Variants in STAG1 observed in about 807,000 individuals in gnomAD.
The protein encoded by STAG1 is cohesin subunit SA-1.
A neutral mutation model predicts 170.9 loss-of-function variants in STAG1; 26 were observed. That is an observed-to-expected ratio of 0.15 (90% CI 0.11 to 0.21). The LOEUF (loss-of-function observed/expected upper bound fraction) is 0.21, where lower values mean the gene tolerates loss of function less well. STAG1 is among the 10% of genes least tolerant of loss of function. The pLI is 1.00. For synonymous variants in STAG1, 514 were observed against 497.7 expected (o/e 1.03, Z -0.44); for missense variants, 964 against 1,509.5 (o/e 0.64, Z 5.99).
intron 1 of STAG1, among the ~76,000 whole-genome samples, chr3:136,727,987 A>ATC (rs1341053499): frequency 6.6e-6 from 1 of 151,898 alleles, no homozygotes; most frequent in Non-Finnish European, 1.5e-5. Context: ...GTGAAACCCC[A>ATC]TCTCTACTAA....
intron 22 of STAG1, among the ~76,000 whole-genome samples, chr3:136,385,375 G>C (rs915211201): frequency 2.2e-4 from 34 of 152,160 alleles, no homozygotes; most frequent in Admixed American, 7.2e-4. Flanking sequence ...GGGAGATTGA[G>C]GCTGCAGTGA....
intron 22 of STAG1, among the ~76,000 whole-genome samples, chr3:136,390,249 C>T (rs1399143453): frequency 1.3e-5 from 2 of 152,134 alleles, no homozygotes; most frequent in African/African-American, 4.8e-5. Flanking sequence ...GAAACCATGA[C>T]TTGTAAGTCA....
At chr3:136,645,305 C>T (rs563348527) in intron 1 of STAG1, among the ~76,000 whole-genome samples, 1 of 152,234 alleles carries the variant, frequency 6.6e-6, no homozygotes, top group South Asian at 2.1e-4. Flanking sequence ...GGGTGAAATG[C>T]CTGAACATGT....
chr3:136,720,574 G>A (rs1933187322), intron 1 of STAG1, among the ~76,000 whole-genome samples: 2 of 152,146 alleles, frequency 1.3e-5, no homozygotes, highest in Non-Finnish European at 1.5e-5. Flanking sequence ...CAGATCACCT[G>A]AGGTCAGGAG....
chr3:136,428,245 T>C (rs2088191382), intron 16 of STAG1, among the ~76,000 whole-genome samples: 1 of 152,240 alleles, frequency 6.6e-6, no homozygotes, highest in Admixed American at 6.5e-5. Context: ...TCAAAAGCCT[T>C]GAAGGGAAAA....
intron 1 of STAG1, 84 bp from the exon 2 acceptor site, chr3:136,631,065 A>G: frequency 1.6e-6 from 1 of 625,422 alleles, no homozygotes; most frequent in Non-Finnish European, 2.7e-6. Context: ...CACCACTACC[A>G]GTGATCACAC....
chr3:136,421,976 C>CA (rs1453887900), intron 19 of STAG1, among the ~76,000 whole-genome samples: 1 of 151,632 alleles, frequency 6.6e-6, no homozygotes, highest in African/African-American at 2.4e-5. Context: ...GGTGAAAACC[C>CA]ATTTCTACTA....
chr3:136,653,583 G>A (rs1377833764), intron 1 of STAG1, among the ~76,000 whole-genome samples: 2 of 151,912 alleles, frequency 1.3e-5, no homozygotes, highest in East Asian at 1.9e-4. Flanking sequence ...TCACCAAAAG[G>A]GTGGGAACTA....
chr3:136,586,821 C>T (rs1937854080), intron 4 of STAG1: 1 of 456,368 alleles, frequency 2.2e-6, no homozygotes, highest in Admixed American at 2.4e-5. Context: ...TGGTAAGTTC[C>T]CATCAATGGA....
At chr3:136,584,615 T>C (rs572504880) in intron 4 of STAG1, among the ~76,000 whole-genome samples, 1 of 152,196 alleles carries the variant, frequency 6.6e-6, no homozygotes, top group Non-Finnish European at 1.5e-5. Flanking sequence ...GCTGAGGTAT[T>C]TTGATATTCT....
At chr3:136,357,692 A>C in intron 28 of STAG1, 28 bp downstream of exon 28, 3 of 1,547,738 alleles carry the variant, frequency 1.9e-6, no homozygotes, top group Non-Finnish European at 2.6e-6. Context: ...TATTATAAAA[A>C]CCACTTCTCT....
At chr3:136,386,326 G>A (rs2086872587) in intron 22 of STAG1, among the ~76,000 whole-genome samples, 1 of 152,188 alleles carries the variant, frequency 6.6e-6, no homozygotes, top group East Asian at 1.9e-4. Flanking sequence ...GCAACAGAGT[G>A]AGACTCTGTC....
chr3:136,441,030 CTTTTTTTTTTT>C (rs68155305), intron 15 of STAG1, among the ~76,000 whole-genome samples: 7 of 81,958 alleles, frequency 8.5e-5, no homozygotes, highest in East Asian at 3.9e-4. Context: ...ACCATCTTTC[CTTTTTTTTTTT>C]TTTTTTTTTG....
At chr3:136,363,590 A>C in intron 25 of STAG1, 123 bp from the exon 26 acceptor site, 1 of 468,010 alleles carries the variant, frequency 2.1e-6, no homozygotes, top group Non-Finnish European at 3.8e-6. Context: ...GGTTGGTAAA[A>C]GAAAGGAAAG....
intron 22 of STAG1, among the ~76,000 whole-genome samples, chr3:136,387,167 G>C (rs908003999): frequency 6.6e-6 from 1 of 152,230 alleles, no homozygotes; most frequent in African/African-American, 2.4e-5. Context: ...TTAAGGATCA[G>C]ATAGTAAATA....
At chr3:136,534,301 T>C (rs747895175) in intron 6 of STAG1, among the ~76,000 whole-genome samples, 1 of 151,838 alleles carries the variant, frequency 6.6e-6, no homozygotes, top group African/African-American at 2.4e-5. Context: ...ATAAAACTAG[T>C]AGAAGAAAAC....
At chr3:136,488,635 C>G (rs1349045790) in intron 9 of STAG1, among the ~76,000 whole-genome samples, 1 of 152,316 alleles carries the variant, frequency 6.6e-6, no homozygotes, top group East Asian at 1.9e-4. Context: ...CTGAATTCTA[C>G]TCTGATTACC....
chr3:136,724,089 C>T (rs12739388), intron 1 of STAG1, among the ~76,000 whole-genome samples: 1 of 151,932 alleles, frequency 6.6e-6, no homozygotes, highest in African/African-American at 2.4e-5. Flanking sequence ...GCCACCACCC[C>T]GTCTGGGAGG....
chr3:136,386,365 A>G (rs1203871091), intron 22 of STAG1, among the ~76,000 whole-genome samples: 1 of 152,072 alleles, frequency 6.6e-6, no homozygotes, highest in Non-Finnish European at 1.5e-5. Flanking sequence ...AAATAAAATA[A>G]AAGTCTTGTC....
Sources: gnomAD v4.1 joint callset for allele counts (sites outside exome capture counted in the v4.1 genomes callset) on GRCh38, gnomAD v4.1.1 for gene constraint, MANE v1.5 for transcripts, NCBI Gene and HGNC (gene_info 2026-07-23, HGNC 2026-07-21) for gene names.